VIRMA: variants seen among roughly 807,000 people sequenced by gnomAD.
VIRMA encodes protein virilizer homolog.
A neutral mutation model predicts 182.4 loss-of-function variants in VIRMA; 65 were observed. That is an observed-to-expected ratio of 0.36 (90% CI 0.29 to 0.44). The LOEUF (loss-of-function observed/expected upper bound fraction) is 0.44. Ranked by LOEUF, VIRMA falls within the 20% of genes least tolerant of loss-of-function variation. The probability of loss-of-function intolerance (pLI) is 1.00; values close to 1 mark genes in which losing one functional copy is unlikely to be tolerated. For missense variants in VIRMA, 1,752 were observed against 2,158.1 expected, an observed-to-expected ratio of 0.81 and a Z score of 3.73; for synonymous variants, 709 against 743.1, an observed-to-expected ratio of 0.95 and a Z score of 0.75.
chr8:94,507,893 G>GTATATATATGTATATATT (rs1563461459), intron 15 of VIRMA, among the ~76,000 whole-genome samples: 2 of 140,452 alleles, frequency 1.4e-5, no homozygotes, highest in East Asian at 3.9e-4. Context: ...ATGTATATAT[G>GTATATATATGTATATATT]TATATATATG....
Position 94,496,319 on chromosome 8 carries a change from C to T in VIRMA, c.4383+9G>A, listed in dbSNP as rs1554614091. ...GGCCTTAAGAACGCTCTGTTTTTTT[C>T]TTTTTTACCAAAACAAGCTTCTCTA... is the stretch of plus-strand genomic sequence containing the variant. On this transcript the variant is annotated intron_variant, in intron 18 of 23. Coordinates refer to ENST00000297591, the MANE Select transcript of VIRMA (RefSeq NM_015496.5). 6 of 1,600,278 alleles carry T rather than the reference C, an allele frequency of 3.7e-6. No individual in the cohort carries two copies. Among genetic ancestry groups the T allele is most frequent in the Admixed American group, 1.8e-5 (1 of 56,468 alleles).
intron 8 of VIRMA, among the ~76,000 whole-genome samples, chr8:94,524,299 G>A (rs571610356): frequency 2.1e-4 from 29 of 136,484 alleles, no homozygotes; most frequent in Admixed American, 8.9e-4. Flanking sequence ...ATGCCTGGCC[G>A]GTGTTTGTTT....
chr8:94,508,799 T>C lies in VIRMA; in HGVS notation c.3879+889A>G, dbSNP rs148179027. ...GACAGTCTTCCAACATGGGACTCTA[T>C]TCTGCCTGAAAAAAAAAAATCACAT... On this transcript the variant is annotated intron_variant, in intron 15 of 23. Transcript: ENST00000297591. Among the ~76,000 whole-genome samples the C allele has an allele frequency of 1.2e-3, 187 of 152,164 alleles. 1 individual carries two copies. Among genetic ancestry groups the C allele is most frequent in the African/African-American group, 4.3e-3 (177 of 41,524 alleles).
At chr8:94,552,710 C>G (rs927270904) in intron 1 of VIRMA, among the ~76,000 whole-genome samples, 3 of 152,102 alleles carry the variant, frequency 2.0e-5, no homozygotes, top group Admixed American at 6.5e-5. Flanking sequence ...TAGTTTTGTA[C>G]AGAAATATTA....
At chr8:94,553,250 C>G in intron 1 of VIRMA, 135 bp downstream of exon 1, 2 of 854,860 alleles carry the variant, frequency 2.3e-6, no homozygotes, top group Admixed American at 3.9e-5. Flanking sequence ...TCACACAGCT[C>G]GGGGGAGGGT....
chr8:94,510,023 T>A (rs1264996394), intron 14 of VIRMA, 83 bp from the exon 15 acceptor site: 3 of 1,236,042 alleles, frequency 2.4e-6, no homozygotes, highest in Non-Finnish European at 3.3e-6. Context: ...TCAATACACA[T>A]CAACTTACAC....
chr8:94,531,210 T>C, intron 5 of VIRMA, 125 bp from the exon 6 acceptor site: 8 of 1,111,758 alleles, frequency 7.2e-6, no homozygotes, highest in Middle Eastern at 3.1e-4. Flanking sequence ...ATCTAAAATA[T>C]GGTATTTGAG....
chr8:94,518,118 C>T (rs1295700355), intron 9 of VIRMA, among the ~76,000 whole-genome samples, 176 bp from the exon 10 acceptor site: 1 of 152,090 alleles, frequency 6.6e-6, no homozygotes, highest in Non-Finnish European at 1.5e-5. Flanking sequence ...TCACCTGAAA[C>T]CATTACTTTA....
chr8:94,543,979 G>T, intron 1 of VIRMA, 37 bp from the exon 2 acceptor site: 3 of 1,032,752 alleles, frequency 2.9e-6, no homozygotes, highest in Non-Finnish European at 4.5e-6. Context: ...GAGGGGTTCG[G>T]AACATTATGT....
rs55726504 is a variant in VIRMA, at chr8:94,501,255, C to CAAAA, written c.4098-1753_4098-1750dup. On this transcript the variant is annotated intron_variant, in intron 16 of 23. Coordinates refer to ENST00000297591, the MANE Select transcript of VIRMA (RefSeq NM_015496.5). ...CAGGGGACAGTGCGAGATTCCATCT[C>CAAAA]AAAAAAAAAAAAAAAAAAAAAACAA... Among the ~76,000 whole-genome samples, 447 of 72,464 alleles carry CAAAA rather than the reference C, an allele frequency of 6.2e-3. 1 individual carries two copies. Among genetic ancestry groups the CAAAA allele is most frequent in the Non-Finnish European group, 7.0e-3 (274 of 39,362 alleles). The allele number at this position is 72,464 out of a possible 152,430, so 47.5% of individuals were successfully genotyped here. A position where few individuals can be genotyped will look rare whatever the true frequency, so the allele number is the denominator to read the frequency against.
chr8:94,519,893 T>A (rs914803796), intron 8 of VIRMA, among the ~76,000 whole-genome samples: 1 of 152,102 alleles, frequency 6.6e-6, no homozygotes, highest in Admixed American at 6.6e-5. Flanking sequence ...TTAAGCCAAC[T>A]GCAAATCGAA....
intron 16 of VIRMA, among the ~76,000 whole-genome samples, chr8:94,501,546 A>T (rs1813987765): frequency 6.6e-6 from 1 of 152,234 alleles, no homozygotes; most frequent in Non-Finnish European, 1.5e-5. Flanking sequence ...TTTGTAAACT[A>T]GGGCTAAACA....
chr8:94,518,040 G>A (rs939696820), intron 9 of VIRMA, 98 bp from the exon 10 acceptor site: 1 of 800,252 alleles, frequency 1.2e-6, no homozygotes, highest in African/African-American at 1.7e-5. Context: ...AGAGATCAAG[G>A]ACATTTACAA....
intron 1 of VIRMA, among the ~76,000 whole-genome samples, chr8:94,552,824 T>C (rs1816045986): frequency 6.6e-6 from 1 of 152,166 alleles, no homozygotes; most frequent in Non-Finnish European, 1.5e-5. Flanking sequence ...CGTGAATGCA[T>C]CTCATTCCTA....
intron 8 of VIRMA, among the ~76,000 whole-genome samples, chr8:94,519,942 G>A (rs1384929781): frequency 6.6e-6 from 1 of 152,030 alleles, no homozygotes; most frequent in Non-Finnish European, 1.5e-5. Context: ...AGGTGCAGTT[G>A]GTCACACTTA....
At chr8:94,505,010 T>C (rs1814106600) in intron 16 of VIRMA, among the ~76,000 whole-genome samples, 1 of 152,164 alleles carries the variant, frequency 6.6e-6, no homozygotes, top group South Asian at 2.1e-4. Flanking sequence ...CTAACCCAAC[T>C]AGGAAAGCTT....
At chr8:94,530,917 T>C (rs1251415085) in intron 6 of VIRMA, 46 bp downstream of exon 6, 1 of 1,575,396 alleles carries the variant, frequency 6.3e-7, no homozygotes. Flanking sequence ...AACAAAAATG[T>C]ACTATTAACT....
intron 8 of VIRMA, 37 bp from the exon 9 acceptor site, chr8:94,519,513 C>T (rs1814686436): frequency 2.0e-6 from 3 of 1,508,208 alleles, no homozygotes; most frequent in Non-Finnish European, 8.8e-7. Flanking sequence ...CAAGTCAGTG[C>T]AAAGCATTCT....
intron 5 of VIRMA, 43 bp downstream of exon 5, chr8:94,534,796 C>T (rs1815282619): frequency 3.8e-6 from 6 of 1,580,026 alleles, no homozygotes; most frequent in African/African-American, 2.8e-5. Flanking sequence ...TTTTAAACCA[C>T]GGATATAAGT....
Sources: allele counts gnomAD v4.1 joint callset (sites outside exome capture counted in the v4.1 genomes callset), GRCh38; gene constraint gnomAD v4.1.1; transcripts MANE v1.5; gene names NCBI Gene and HGNC (gene_info 2026-07-23, HGNC 2026-07-21).